The following EPB41L4B variants were observed in gnomAD, a reference collection of about 807,000 sequenced individuals.
EPB41L4B encodes band 4.1-like protein 4B.
A neutral mutation model predicts 112.5 loss-of-function variants in EPB41L4B; 30 were observed. The ratio of observed to expected loss-of-function variants is 0.27; its 90% CI spans 0.20 to 0.36. The LOEUF is 0.36. Among genes scored for constraint, EPB41L4B ranks in the 10% least tolerant of loss-of-function variants. The pLI is 1.00. For missense variants in EPB41L4B, 1,024 were observed against 1,133.3 expected, an observed-to-expected ratio of 0.90 and a Z score of 1.38; for synonymous variants, 408 against 439.7, an observed-to-expected ratio of 0.93 and a Z score of 0.90.
rs1279152689 is a variant in EPB41L4B at position 109,258,191 on chromosome 9, T to C, written c.738A>G (p.Arg246=). 5 of 1,613,450 alleles carry C rather than the reference T, an allele frequency of 3.1e-6. No individual in the cohort carries two copies. The highest frequency in any genetic ancestry group is 3.4e-6 in the Non-Finnish European group (4 of 1,179,558). The change falls in exon 7 of 26, where the codon AGA becomes AGG. Residue 246 remains arginine (R), a synonymous_variant. Transcript: ENST00000374566. ...CATCAAGGTACCTGCACTCTTTCCA[T>C]CTCTGGAAGATATCAAATTCCATTG... ...TEAMEFDIFQ[R]WKECRGKSPA... is the part of the protein sequence containing the mutation.
chr9:109,277,629 A>G (rs1372283593), intron 2 of EPB41L4B, among the ~76,000 whole-genome samples: 2 of 152,202 alleles, frequency 1.3e-5, no homozygotes, highest in African/African-American at 4.8e-5. Flanking sequence ...GGCTGGGACA[A>G]GCCACAGAGG....
At chr9:109,254,526 G>A (rs775564666) in intron 11 of EPB41L4B, among the ~76,000 whole-genome samples, 5 of 152,192 alleles carry the variant, frequency 3.3e-5, no homozygotes, top group Non-Finnish European at 7.3e-5. Context: ...TGCCATGTGT[G>A]GGTAGAGGTT....
rs202244963 is a variant in EPB41L4B at position 109,255,490 on chromosome 9, G to T, written c.1169+21C>A. 6 of 1,611,902 alleles carry T rather than the reference G, an allele frequency of 3.7e-6. No homozygotes were observed. In the African/African-American group the frequency reaches 6.7e-5, roughly 18 times the overall value. On this transcript the variant is annotated intron_variant, in intron 11 of 25. Transcript: ENST00000374566. Reference sequence around the variant, plus strand: ...CCCTCCTTCAGAAGACGTGATCCGTGTTGCAGAAATGGCTCCCTACCTGAA... The same window carrying T: ...CCCTCCTTCAGAAGACGTGATCCGTTTTGCAGAAATGGCTCCCTACCTGAA...
chr9:109,245,112 C>T (rs1353442295), intron 14 of EPB41L4B, among the ~76,000 whole-genome samples: 1 of 152,228 alleles, frequency 6.6e-6, no homozygotes, highest in Non-Finnish European at 1.5e-5. Context: ...AGGGCTTTAG[C>T]ATCTCCCTGC....
At chr9:109,263,267 C>G (rs55890744) in intron 5 of EPB41L4B, among the ~76,000 whole-genome samples, 165 bp from the exon 6 acceptor site, 19,229 of 152,208 alleles carry the variant, frequency 0.13, 1,660 homozygotes, top group East Asian at 0.36. Context: ...GCGACTTGCA[C>G]TACAAATTTC....
At chr9:109,299,588 AGTTTT>A (rs145554844) in intron 1 of EPB41L4B, among the ~76,000 whole-genome samples, 2,504 of 152,154 alleles carry the variant, frequency 0.016, 64 homozygotes, top group African/African-American at 0.056. Context: ...ATGTGCAGCA[AGTTTT>A]GTTTTGTTTT....
rs752403352 is a variant in EPB41L4B, at chr9:109,321,008, AGCCGCCGCCGCCGCC to A, written c.-577_-563del. 1.2e-4 allele frequency: 22 copies of A among 181,290 alleles called. No homozygotes were observed. The highest frequency in any genetic ancestry group is 4.8e-4 in the African/African-American group (19 of 39,874). 11.2% of individuals were successfully genotyped at this position (181,290 alleles called of 1,614,324 possible). A position where few individuals can be genotyped will look rare whatever the true frequency, so the allele number is the denominator to read the frequency against. On this transcript the variant is annotated 5_prime_UTR_variant, in exon 1 of 26. Transcript: ENST00000374566. ...CTCCCACCTGGGAGGCTGCACCTCC[AGCCGCCGCCGCCGCC>A]GCCGCCGCCGCTGCCGCCGGGACTG... is the stretch of plus-strand genomic sequence containing the variant.
intron 15 of EPB41L4B, among the ~76,000 whole-genome samples, chr9:109,234,536 T>C (rs1273857223): frequency 6.6e-6 from 1 of 152,150 alleles, no homozygotes; most frequent in African/African-American, 2.4e-5. Context: ...CTATTTGTAT[T>C]TGAATTTTTA....
At chr9:109,276,683 G>A (rs577478823) in intron 2 of EPB41L4B, among the ~76,000 whole-genome samples, 1 of 152,206 alleles carries the variant, frequency 6.6e-6, no homozygotes, top group Non-Finnish European at 1.5e-5. Context: ...ACAGTGACAG[G>A]GCACTGGCGG....
intron 24 of EPB41L4B, among the ~76,000 whole-genome samples, chr9:109,180,898 T>G (rs548203138): frequency 1.3e-5 from 2 of 152,204 alleles, no homozygotes; most frequent in South Asian, 2.1e-4. Flanking sequence ...CATTATACAG[T>G]GAGCTTCTGC....
At chr9:109,248,226 AGCATCTCCCACT>A (rs1352530025) in intron 13 of EPB41L4B, among the ~76,000 whole-genome samples, 1 of 152,218 alleles carries the variant, frequency 6.6e-6, no homozygotes, top group Admixed American at 6.5e-5. Context: ...ATCCCTCCTG[AGCATCTCCCACT>A]GGGTACTGTG....
intron 2 of EPB41L4B, 132 bp from the exon 3 acceptor site, chr9:109,268,565 C>A: frequency 2.6e-6 from 2 of 770,722 alleles, no homozygotes; most frequent in South Asian, 2.0e-5. Flanking sequence ...ATCATGGGTT[C>A]TTAGGCTGGG....
At chr9:109,292,047 A>G (rs1479565138) in intron 1 of EPB41L4B, among the ~76,000 whole-genome samples, 1 of 152,214 alleles carries the variant, frequency 6.6e-6, no homozygotes, top group African/African-American at 2.4e-5. Context: ...CAGGGCTGCT[A>G]TGAGGACTGT....
chr9:109,216,980 G>T lies in EPB41L4B; in HGVS notation c.1575C>A (p.Thr525=). 2 of 1,614,168 alleles carry T rather than the reference G, an allele frequency of 1.2e-6. No individual in the cohort carries two copies. Among genetic ancestry groups the T allele is most frequent in the East Asian group, 2.2e-5 (1 of 44,890 alleles). Reference sequence around the variant, plus strand: ...TCAGAGGCCCCTCTTTGTTCTCCAGGGTCAGTGAGAGGCTGTAGTTTGAGT... The same window carrying T: ...TCAGAGGCCCCTCTTTGTTCTCCAGTGTCAGTGAGAGGCTGTAGTTTGAGT... ...QHHSNYSLSL[T]LENKEGPLRS... Residue 525 remains threonine, a synonymous_variant, in exon 16 of 26, where the codon ACC becomes ACA. Coordinates refer to ENST00000374566, the MANE Select transcript of EPB41L4B (RefSeq NM_019114.5).
chr9:109,255,029 G>A (rs10979773), intron 11 of EPB41L4B, among the ~76,000 whole-genome samples: 54,540 of 151,976 alleles, frequency 0.36, 10,314 homozygotes, highest in Admixed American at 0.48. Context: ...TTCCTTATCT[G>A]TAAAATGGGG....
intron 1 of EPB41L4B, among the ~76,000 whole-genome samples, chr9:109,307,679 T>C (rs908076619): frequency 1.3e-5 from 2 of 151,836 alleles, no homozygotes; most frequent in Non-Finnish European, 2.9e-5. Context: ...CTGTCAAGAG[T>C]GCGCTGCAGG....
In EPB41L4B at chr9:109,200,293, A is replaced by G; in HGVS notation, c.1988T>C (p.Val663Ala). The change falls in exon 20 of 26, where the codon GTG (valine) becomes GCG (alanine). Residue 663 changes from valine (V) to alanine (A), a missense_variant. Physicochemically the swap from Val to Ala is moderately conservative, Grantham distance 64. Transcript: ENST00000374566. ...PIRVETAQPA[V>A]EKPEIKPPRV... The stretch of plus-strand genomic sequence containing the variant: ...GGGAGGCTTGATTTCCGGCTTTTCC[A>G]CAGCTGGCTGGGCAGTTTCCACACG... 6.2e-7 allele frequency: 1 copy of G among 1,614,158 alleles called. No homozygotes were observed. The highest frequency in any genetic ancestry group is 1.3e-5 in the African/African-American group (1 of 75,032).
intron 15 of EPB41L4B, among the ~76,000 whole-genome samples, chr9:109,233,391 C>T (rs545772851): frequency 6.6e-6 from 1 of 152,240 alleles, no homozygotes; most frequent in Non-Finnish European, 1.5e-5. Context: ...GTTATCAATA[C>T]CCTCCCAAAC....
At position 109,173,678 on chromosome 9, in the gene EPB41L4B, G is replaced by T. The variant is rs1382121062; in HGVS notation, c.*876C>A. The T allele has an allele frequency of 6.6e-6, 1 of 152,510 alleles. No homozygotes were observed. The highest frequency in any genetic ancestry group is 2.1e-4 in the South Asian group (1 of 4,816). 9.4% of individuals were successfully genotyped at this position (152,510 alleles called of 1,614,324 possible). ...AGAAAGCTAGGGAACTAATTTAGAG[G>T]GATATTTTGTGGTTAGGGGGTTGCT... is the stretch of plus-strand genomic sequence containing the variant. On this transcript the variant is annotated 3_prime_UTR_variant, in exon 26 of 26. Coordinates refer to ENST00000374566, the MANE Select transcript of EPB41L4B (RefSeq NM_019114.5).
Sources: gnomAD v4.1 joint callset for allele counts (sites outside exome capture counted in the v4.1 genomes callset) on GRCh38, gnomAD v4.1.1 for gene constraint, MANE v1.5 for transcripts, NCBI Gene and HGNC (gene_info 2026-07-23, HGNC 2026-07-21) for gene names.